The following LINGO2 variants were observed in gnomAD, a reference collection of about 807,000 sequenced individuals.
The protein encoded by LINGO2 is leucine-rich repeat and immunoglobulin-like domain-containing nogo receptor-interacting protein 2.
In LINGO2, 14 loss-of-function variants were observed where a neutral mutation model predicts 30.6. The ratio of observed to expected loss-of-function variants is 0.46; its 90% CI spans 0.30 to 0.72. The LOEUF is 0.72. Ranked by LOEUF, LINGO2 falls within the 30% of genes least tolerant of loss-of-function variation. The probability of loss-of-function intolerance (pLI) is 0.07; values close to 1 mark genes in which losing one functional copy is unlikely to be tolerated. For synonymous variants in LINGO2, 317 were observed against 288.5 expected, an observed-to-expected ratio of 1.10 and a Z score of -1.00; for missense variants, 729 against 751.7, an observed-to-expected ratio of 0.97 and a Z score of 0.35.
chr9:27,940,554 A>G, the LINGO2 span: 9 of 152,222 alleles, frequency 5.9e-5, no homozygotes, highest in Non-Finnish European at 1.3e-4. Flanking sequence ...TGAAGTAATT[A>G]AGAAAAGAAT....
At chr9:28,257,230 C>A (rs550304725) in intron 4 of LINGO2, among the ~76,000 whole-genome samples, 1 of 151,716 alleles carries the variant, frequency 6.6e-6, no homozygotes, top group East Asian at 1.9e-4. Context: ...TAGCATAAAG[C>A]GTCTCTTAGA....
chr9:28,228,872 T>A (rs1428937210), intron 4 of LINGO2, among the ~76,000 whole-genome samples: 3 of 151,812 alleles, frequency 2.0e-5, no homozygotes, highest in Non-Finnish European at 4.4e-5. Context: ...TATTTTTACA[T>A]AATGAGATGT....
chr9:28,326,614 G>A (rs2134324458), intron 3 of LINGO2, among the ~76,000 whole-genome samples: 1 of 152,208 alleles, frequency 6.6e-6, no homozygotes, highest in South Asian at 2.1e-4. Context: ...GAACTATATT[G>A]GCATCGTTCA....
At chr9:28,345,154 A>T (rs1819518916) in intron 3 of LINGO2, among the ~76,000 whole-genome samples, 1 of 152,040 alleles carries the variant, frequency 6.6e-6, no homozygotes, top group Admixed American at 6.6e-5. Flanking sequence ...GGTGGCTTCC[A>T]TTCTGATTCT....
the LINGO2 span, among the ~76,000 whole-genome samples, chr9:29,138,028 T>G: frequency 1.3e-5 from 2 of 152,106 alleles, no homozygotes; most frequent in Admixed American, 1.3e-4. Flanking sequence ...GTGAAGTTTC[T>G]CTTTTTTTAT....
intron 1 of LINGO2, among the ~76,000 whole-genome samples, chr9:28,500,225 G>A (rs1203395699): frequency 6.6e-6 from 1 of 152,122 alleles, no homozygotes; most frequent in Non-Finnish European, 1.5e-5. Flanking sequence ...CTGGATTCAA[G>A]GAAGTTGGGG....
chr9:28,047,217 C>T (rs1270483191), intron 4 of LINGO2, among the ~76,000 whole-genome samples: 1 of 152,112 alleles, frequency 6.6e-6, no homozygotes, highest in African/African-American at 2.4e-5. Context: ...GTTTCCCCTA[C>T]ATAACAAATC....
At chr9:28,277,837 C>CAAAAAAAAAA (rs765748438) in intron 4 of LINGO2, among the ~76,000 whole-genome samples, 3 of 108,000 alleles carry the variant, frequency 2.8e-5, no homozygotes, top group Non-Finnish European at 3.9e-5. Flanking sequence ...CAAAACAAAA[C>CAAAAAAAAAA]AAAAAAAAAA....
the LINGO2 span, among the ~76,000 whole-genome samples, chr9:29,091,058 G>T: frequency 2.6e-5 from 4 of 152,014 alleles, no homozygotes; most frequent in Non-Finnish European, 5.9e-5. Flanking sequence ...TCATGAAAAT[G>T]AAATAAGATT....
At chr9:28,013,685 T>C (rs1822674186) in intron 4 of LINGO2, among the ~76,000 whole-genome samples, 2 of 152,210 alleles carry the variant, frequency 1.3e-5, no homozygotes, top group South Asian at 2.1e-4. Context: ...GCTTTATGGT[T>C]GGTTCCTGGC....
chr9:29,094,833 T>C, the LINGO2 span, among the ~76,000 whole-genome samples: 2 of 139,478 alleles, frequency 1.4e-5, no homozygotes, highest in South Asian at 4.5e-4. Flanking sequence ...TTTTAAATTA[T>C]ATTCAAGGCT....
intron 3 of LINGO2, among the ~76,000 whole-genome samples, chr9:28,337,874 G>A (rs1209557465): frequency 6.6e-6 from 1 of 152,114 alleles, no homozygotes; most frequent in Non-Finnish European, 1.5e-5. Flanking sequence ...CAGGGGTGGG[G>A]CCCTCATGGA....
chr9:28,038,974 C>A (rs913563948), intron 4 of LINGO2, among the ~76,000 whole-genome samples: 1 of 152,164 alleles, frequency 6.6e-6, no homozygotes, highest in Non-Finnish European at 1.5e-5. Flanking sequence ...TTCTCTAGGT[C>A]TACAATTCTT....
intron 1 of LINGO2, among the ~76,000 whole-genome samples, chr9:28,585,299 C>T (rs967231074): frequency 1.3e-5 from 2 of 151,928 alleles, no homozygotes; most frequent in African/African-American, 4.8e-5. Flanking sequence ...AATTTGGAAA[C>T]ATTTTAGTGT....
chr9:28,588,857 T>C lies in LINGO2; in HGVS notation c.-365+81343A>G, dbSNP rs1254671735. ...TGCCTCCTATCCCCACCCTTGGGAC[T>C]CAAGGCCAGTTCCTTCCTTCTACCA... On this transcript the variant is annotated intron_variant, in intron 1 of 5. Coordinates refer to ENST00000379992, the Ensembl canonical transcript of LINGO2. Among the ~76,000 whole-genome samples, 4 of 152,076 alleles carry C rather than the reference T, an allele frequency of 2.6e-5. No homozygotes were observed. The East Asian group carries it at 7.7e-4, about 29-fold the overall frequency.
At chr9:28,335,453 C>A (rs1825559906) in intron 3 of LINGO2, among the ~76,000 whole-genome samples, 1 of 152,130 alleles carries the variant, frequency 6.6e-6, no homozygotes, top group Non-Finnish European at 1.5e-5. Flanking sequence ...TTCTACTGCA[C>A]AAAATATCCA....
At chr9:28,081,874 T>C (rs568714028) in intron 4 of LINGO2, among the ~76,000 whole-genome samples, 1 of 152,256 alleles carries the variant, frequency 6.6e-6, no homozygotes, top group African/African-American at 2.4e-5. Flanking sequence ...TTATGTCATA[T>C]AAAAGTAGCT....
rs75101753 is a variant in LINGO2, at chr9:28,439,956, A to G, written c.-279+35984T>C. Reference sequence around the variant, plus strand: ...TGAAATCCTAAATCCTGAATTGAGTATAACTTGATGTGTACATGCCAGTAG... The same window carrying G: ...TGAAATCCTAAATCCTGAATTGAGTGTAACTTGATGTGTACATGCCAGTAG... On this transcript the variant is annotated intron_variant, in intron 2 of 5. Coordinates refer to ENST00000379992, the Ensembl canonical transcript of LINGO2. Among the ~76,000 whole-genome samples the G allele has an allele frequency of 9.5e-3, 1,441 of 152,102 alleles. 23 individuals are homozygous for G. Among genetic ancestry groups the G allele is most frequent in the African/African-American group, 0.033 (1,359 of 41,400 alleles).
chr9:28,303,590 A>G (rs959377699), intron 3 of LINGO2, among the ~76,000 whole-genome samples: 2 of 152,202 alleles, frequency 1.3e-5, no homozygotes, highest in African/African-American at 4.8e-5. Context: ...ACTGTAACAT[A>G]ACAGTAGATT....
Sources: allele counts gnomAD v4.1 joint callset (sites outside exome capture counted in the v4.1 genomes callset), GRCh38; gene constraint gnomAD v4.1.1; transcripts MANE v1.5; gene names NCBI Gene and HGNC (gene_info 2026-07-23, HGNC 2026-07-21).